Variants in ITCH observed in about 807,000 individuals in gnomAD.
ITCH encodes the protein E3 ubiquitin-protein ligase Itchy homolog.
ITCH carries 28 observed loss-of-function variants against 126.8 expected under a neutral mutation model. That is an observed-to-expected ratio of 0.22 (90% CI 0.16 to 0.30). The LOEUF is 0.30. ITCH is among the 10% of genes least tolerant of loss of function. The pLI is 1.00. For missense variants in ITCH, 631 were observed against 1,032.4 expected (o/e 0.61, Z 5.33); for synonymous variants, 342 against 340.0 (o/e 1.01, Z -0.06).
rs1985291404 is a variant in ITCH at position 34,451,867 on chromosome 20, AG to A, written c.1210+2388del. On this transcript the variant is annotated intron_variant, in intron 12 of 24. Coordinates refer to ENST00000374864, the MANE Select transcript of ITCH (RefSeq NM_031483.7). ...AACATTGCTTGAGCCCGGGAGTTGG[AG>A]ATCAGCCTGGGCAACATAGCGAAAA... 2.0e-5 allele frequency among the ~76,000 whole-genome samples: 3 copies of A among 152,060 alleles called. No individual in the cohort carries two copies. The South Asian group carries it at 6.2e-4, about 31-fold the overall frequency.
chr20:34,378,981 T>A (rs1476279398), intron 2 of ITCH, among the ~76,000 whole-genome samples: 2 of 152,200 alleles, frequency 1.3e-5, no homozygotes, highest in Non-Finnish European at 2.9e-5. Context: ...AGATTATTTT[T>A]TTCTGTTCTT....
At chr20:34,492,080 G>A (rs1017121186) in intron 22 of ITCH, among the ~76,000 whole-genome samples, 2 of 152,050 alleles carry the variant, frequency 1.3e-5, no homozygotes, top group Admixed American at 6.6e-5. Flanking sequence ...CGGAGCTCTT[G>A]GTCTCAGTCC....
chr20:34,402,425 T>C (rs1366784199), intron 3 of ITCH: 1 of 772,388 alleles, frequency 1.3e-6, no homozygotes, highest in Non-Finnish European at 2.4e-6. Flanking sequence ...CACCCACTTT[T>C]CTTTCACATT....
At chr20:34,423,162 G>GT (rs938144606) in intron 6 of ITCH, among the ~76,000 whole-genome samples, 1 of 152,198 alleles carries the variant, frequency 6.6e-6, no homozygotes, top group South Asian at 2.1e-4. Flanking sequence ...TAAAATATCT[G>GT]TTTTTTGTGT....
chr20:34,491,356 T>C (rs1600485826), intron 22 of ITCH, among the ~76,000 whole-genome samples: 1 of 152,252 alleles, frequency 6.6e-6, no homozygotes, highest in East Asian at 1.9e-4. Flanking sequence ...ATGGGCAGCT[T>C]CATAGAGGCA....
intron 3 of ITCH, among the ~76,000 whole-genome samples, chr20:34,395,206 C>G (rs1459950815): frequency 6.7e-6 from 1 of 149,772 alleles, no homozygotes; most frequent in Non-Finnish European, 1.5e-5. Context: ...GCACTCCAGC[C>G]TGGGCGACAG....
intron 24 of ITCH, among the ~76,000 whole-genome samples, chr20:34,506,719 A>G (rs1990639952): frequency 6.6e-6 from 1 of 152,190 alleles, no homozygotes; most frequent in Non-Finnish European, 1.5e-5. Context: ...TGCTGCTTTA[A>G]ACAATGACTC....
intron 22 of ITCH, among the ~76,000 whole-genome samples, chr20:34,491,226 T>A (rs908915448): frequency 1.4e-4 from 22 of 152,198 alleles, no homozygotes; most frequent in African/African-American, 5.3e-4. Flanking sequence ...GTAATGAGAT[T>A]TTTGGTATGT....
chr20:34,507,274 T>TG (rs1319153452), intron 24 of ITCH, among the ~76,000 whole-genome samples: 16 of 83,770 alleles, frequency 1.9e-4, no homozygotes, highest in Non-Finnish European at 2.8e-4. Flanking sequence ...TTTTTTTTTT[T>TG]TTTTTTTTTT....
intron 16 of ITCH, among the ~76,000 whole-genome samples, chr20:34,475,442 T>A (rs1429458122): frequency 1.3e-5 from 2 of 152,164 alleles, no homozygotes; most frequent in African/African-American, 2.4e-5. Flanking sequence ...CACTCGCGGT[T>A]AGGAGCTGGA....
chr20:34,509,281 C>T lies in ITCH; in HGVS notation c.*1487C>T, dbSNP rs547126396. 2.6e-4 allele frequency: 40 copies of T among 152,404 alleles called. No individual in the cohort carries two copies. Among genetic ancestry groups the T allele is most frequent in the African/African-American group, 9.1e-4 (38 of 41,550 alleles). The allele number at this position is 152,404 out of a possible 1,614,324, so 9.4% of individuals were successfully genotyped here. A position where few individuals can be genotyped will look rare whatever the true frequency, so the allele number is the denominator to read the frequency against. On this transcript the variant is annotated 3_prime_UTR_variant, in exon 25 of 25. Transcript: ENST00000374864. ...CATTGGCAGTGGATGAAGCCTAAGC[C>T]AGCTGAGTCTCTATCATAGCTGAAC...
At chr20:34,375,562 C>T (rs1426220851) in intron 2 of ITCH, among the ~76,000 whole-genome samples, 1 of 151,612 alleles carries the variant, frequency 6.6e-6, no homozygotes, top group Admixed American at 6.6e-5. Context: ...AGTGAGACCC[C>T]ATCTTTATTT....
intron 3 of ITCH, among the ~76,000 whole-genome samples, chr20:34,399,576 C>T (rs1057086505): frequency 2.0e-5 from 3 of 151,874 alleles, no homozygotes; most frequent in African/African-American, 7.3e-5. Flanking sequence ...CATGGTGGCT[C>T]ATGCCTGTAA....
At position 34,442,257 on chromosome 20, in the gene ITCH, G is replaced by C; in HGVS notation, c.919G>C (p.Val307Leu). The C allele has an allele frequency of 6.2e-7, 1 of 1,614,038 alleles. No individual in the cohort carries two copies. The highest frequency in any genetic ancestry group is 8.5e-7 in the Non-Finnish European group (1 of 1,179,934). The change falls in exon 10 of 25, where the codon GTT becomes CTT. Residue 307 changes from valine (V) to leucine (L), a missense_variant. Val to Leu is a conservative substitution (Grantham distance 32). Transcript: ENST00000374864. ...CGGGCGAGTTTACTATGTAGATCAT[G>C]TTGAGAAAAGAACAACATGGGATAG... ...QHGRVYYVDH[V>L]EKRTTWDRPE...
chr20:34,440,122 A>T (rs1397596765), intron 8 of ITCH, 33 bp from the exon 9 acceptor site: 2 of 1,481,166 alleles, frequency 1.4e-6, no homozygotes, highest in Non-Finnish European at 1.9e-6. Flanking sequence ...AAAATGAAAG[A>T]TTCTTTTCCT....
At chr20:34,506,131 C>A (rs769149241) in intron 24 of ITCH, among the ~76,000 whole-genome samples, 2 of 152,066 alleles carry the variant, frequency 1.3e-5, no homozygotes, top group Non-Finnish European at 2.9e-5. Context: ...GTAGCTCAAT[C>A]TCCACTCATG....
chr20:34,506,139 A>G (rs1386683607), intron 24 of ITCH, among the ~76,000 whole-genome samples: 1 of 151,848 alleles, frequency 6.6e-6, no homozygotes, highest in Admixed American at 6.6e-5. Flanking sequence ...ATCTCCACTC[A>G]TGCACCCTCC....
intron 16 of ITCH, among the ~76,000 whole-genome samples, chr20:34,475,644 G>A (rs1988134893): frequency 6.6e-6 from 1 of 151,790 alleles, no homozygotes; most frequent in Non-Finnish European, 1.5e-5. Flanking sequence ...GGGAGACCGT[G>A]GAAAGAGAGG....
rs182277595 is a variant in ITCH at position 34,504,218 on chromosome 20, G to C, written c.2417-113G>C. The stretch of plus-strand genomic sequence containing the variant: ...ATTAGTAAGATGATGTGTGGGGCCT[G>C]AGGATTTATGGTTCTAACAAGTTCC... On this transcript the variant is annotated intron_variant, in intron 23 of 24. Transcript: ENST00000374864. 798 of 804,150 alleles carry C rather than the reference G, an allele frequency of 9.9e-4. 1 individual carries two copies. The highest frequency in any genetic ancestry group is 8.0e-4 in the Non-Finnish European group (368 of 459,092). The allele number at this position is 804,150 out of a possible 1,614,324, so 49.8% of individuals were successfully genotyped here.
Sources: gnomAD v4.1 joint callset for allele counts (sites outside exome capture counted in the v4.1 genomes callset) on GRCh38, gnomAD v4.1.1 for gene constraint, MANE v1.5 for transcripts, NCBI Gene and HGNC (gene_info 2026-07-23, HGNC 2026-07-21) for gene names.